Variants in ZNF317 observed in about 807,000 individuals in gnomAD.
ZNF317 encodes KRAB-containing zinc finger protein 317.
Under a neutral mutation model 23.4 loss-of-function variants are expected in ZNF317, and 17 were observed. The observed-to-expected ratio is 0.73, with a 90% CI of 0.50 to 1.09. The LOEUF is 1.09. Among genes scored for constraint, ZNF317 ranks in the 50% least tolerant of loss-of-function variants. ZNF317 has a pLI of 0.00. For synonymous variants in ZNF317, 317 were observed against 314.9 expected (o/e 1.01, Z -0.07); for missense variants, 679 against 796.7 (o/e 0.85, Z 1.78).
Position 9,160,656 on chromosome 19 carries a change from C to A in ZNF317, c.1011C>A (p.His337Gln), listed in dbSNP as rs143989233. 8 of 1,614,090 alleles carry A rather than the reference C, an allele frequency of 5.0e-6. No individual in the cohort carries two copies. The highest frequency in any genetic ancestry group is 6.8e-6 in the Non-Finnish European group (8 of 1,180,016). Residue 337 changes from histidine (H) to glutamine (Q), a missense_variant, in exon 7 of 7, where the codon CAC (histidine) becomes CAA (glutamine). By Grantham distance (24) the His-to-Gln change is conservative (BLOSUM62 0). Coordinates refer to ENST00000247956, the MANE Select transcript of ZNF317 (RefSeq NM_020933.5). This position sits in a 1 kb window ranked among gnomAD's most constrained non-coding sequence, Gnocchi z 6.8. ...CCGGAGAGAGGCCCTACGAGTGTCA[C>A]GACTGTGGGAAAGCTTTCCAGCACC... Reference protein sequence around the residue: ...THTGERPYECHDCGKAFQHPS... With the variant: ...THTGERPYECQDCGKAFQHPS...
rs2050617392 is a variant in ZNF317, at chr19:9,140,461, C to T, written c.-224C>T. 1 of 455,894 alleles carries T rather than the reference C, an allele frequency of 2.2e-6. No individual in the cohort carries two copies. Among genetic ancestry groups the T allele is most frequent in the Non-Finnish European group, 4.4e-6 (1 of 226,640 alleles). 28.2% of individuals were successfully genotyped at this position (455,894 alleles called of 1,614,324 possible). ...CGAGACACATGGGCCAAGGAGGGGT[C>T]AGCGGCGAATTCTTTCGGCCTGTTG... is the stretch of plus-strand genomic sequence containing the variant. On this transcript the variant is annotated 5_prime_UTR_variant, in exon 1 of 7. Coordinates refer to ENST00000247956, the MANE Select transcript of ZNF317 (RefSeq NM_020933.5).
At chr19:9,147,170 C>A (rs2050690919) in intron 1 of ZNF317, among the ~76,000 whole-genome samples, 1 of 151,958 alleles carries the variant, frequency 6.6e-6, no homozygotes. Flanking sequence ...AAAAACAGAT[C>A]CCAATGAGAA....
intron 1 of ZNF317, among the ~76,000 whole-genome samples, chr19:9,146,168 T>C (rs2145941585): frequency 6.6e-6 from 1 of 152,068 alleles, no homozygotes; most frequent in East Asian, 1.9e-4. Context: ...ATCATCTGTC[T>C]GTACTTTGTG....
chr19:9,144,527 AT>A (rs1188421257), intron 1 of ZNF317, among the ~76,000 whole-genome samples: 31 of 151,710 alleles, frequency 2.0e-4, no homozygotes, highest in African/African-American at 7.5e-4. Context: ...TATTTACTCT[AT>A]TATTTCAGTG....
intron 1 of ZNF317, among the ~76,000 whole-genome samples, chr19:9,143,221 A>C (rs1383108991): frequency 6.6e-6 from 1 of 152,126 alleles, no homozygotes; most frequent in Non-Finnish European, 1.5e-5. Context: ...TTGTAATGTT[A>C]TCCACTTTTT....
chr19:9,157,943 G>A, intron 4 of ZNF317, 37 bp from the exon 5 acceptor site: 1 of 1,546,630 alleles, frequency 6.5e-7, no homozygotes, highest in Non-Finnish European at 8.7e-7. Context: ...TCCTCTGCAT[G>A]GCCCTCCCTC....
chr19:9,157,940 C>T (rs981923454), intron 4 of ZNF317, 40 bp from the exon 5 acceptor site: 1 of 1,545,142 alleles, frequency 6.5e-7, no homozygotes, highest in Non-Finnish European at 8.7e-7. Flanking sequence ...TTGTCCTCTG[C>T]ATGGCCCTCC....
chr19:9,147,342 T>TTTTGTTTTG (rs1555713182), intron 1 of ZNF317, among the ~76,000 whole-genome samples: 25 of 106,146 alleles, frequency 2.4e-4, no homozygotes, highest in African/African-American at 8.5e-4. Flanking sequence ...TTTTTTTTTT[T>TTTTGTTTTG]TTTTTTTTTT....
chr19:9,142,303 TTTTGTTTG>T (rs150909741), intron 1 of ZNF317, among the ~76,000 whole-genome samples: 8 of 151,888 alleles, frequency 5.3e-5, no homozygotes, highest in African/African-American at 9.7e-5. Flanking sequence ...AAATTGTCTT[TTTTGTTTG>T]TTTGTTTGTT....
rs781781630 is a variant in ZNF317 at position 9,157,393 on chromosome 19, G to A, written c.288G>A (p.Leu96=). Residue 96 remains leucine (L), a splice_region_variant and synonymous_variant, in exon 4 of 7, where the codon CTG becomes CTA. Transcript: ENST00000247956. The stretch of plus-strand genomic sequence containing the variant: ...AGAACTACAGCAACCTCACTTCACT[G>A]GGTAAGGCCAGTGCCATTTCTCCAC... The part of the protein sequence containing the change: ...MLENYSNLTS[L]GYQVGKPSLI... The A allele has an allele frequency of 5.0e-6, 8 of 1,613,946 alleles. No homozygotes were observed. Among genetic ancestry groups the A allele is most frequent in the Non-Finnish European group, 6.8e-6 (8 of 1,179,922 alleles).
intron 1 of ZNF317, among the ~76,000 whole-genome samples, chr19:9,151,033 G>A (rs1448037869): frequency 1.3e-5 from 2 of 152,182 alleles, no homozygotes; most frequent in African/African-American, 4.8e-5. Context: ...TACACATGTC[G>A]TTATTTGTAG....
rs776121405 is a variant in ZNF317, at chr19:9,162,482, A to G, written c.*1049A>G. On this transcript the variant is annotated 3_prime_UTR_variant, in exon 7 of 7. Coordinates refer to ENST00000247956, the MANE Select transcript of ZNF317 (RefSeq NM_020933.5). The stretch of plus-strand genomic sequence containing the variant: ...CCAGCCATGGTCCCCTCACTTGAGC[A>G]TGTGAATATTCTCACGGAGAGAAGC... 10 of 152,122 alleles carry G rather than the reference A, an allele frequency of 6.6e-5. No individual in the cohort carries two copies. Among genetic ancestry groups the G allele is most frequent in the Admixed American group, 5.9e-4 (9 of 15,272 alleles). The allele number at this position is 152,122 out of a possible 1,614,324, so 9.4% of individuals were successfully genotyped here.
chr19:9,162,212 TAAG>T lies in ZNF317; in HGVS notation c.*784_*786del, dbSNP rs1288459611. 4.6e-5 allele frequency: 7 copies of T among 152,068 alleles called. No homozygotes were observed. Among genetic ancestry groups the T allele is most frequent in the Non-Finnish European group, 8.8e-5 (6 of 68,024 alleles). The allele number at this position is 152,068 out of a possible 1,614,324, so 9.4% of individuals were successfully genotyped here. On this transcript the variant is annotated 3_prime_UTR_variant, in exon 7 of 7. Coordinates refer to ENST00000247956, the MANE Select transcript of ZNF317 (RefSeq NM_020933.5). ...GGGGGAAGATACTCCTGACTTGTAATAAGAAGACATCAGAGATGCTGCTAAGTC... is the reference window on the plus strand; with the variant it reads ...GGGGGAAGATACTCCTGACTTGTAATAAGACATCAGAGATGCTGCTAAGTC...
chr19:9,158,363 CTTTTTTTTTTTTTTTTTTT>C (rs200591339), intron 5 of ZNF317, among the ~76,000 whole-genome samples: 9 of 76,496 alleles, frequency 1.2e-4, no homozygotes, highest in Admixed American at 1.8e-4. Context: ...TTTCTTTTTT[CTTTTTTTTTTTTTTTTTTT>C]TTTTTTTTTG....
At chr19:9,152,296 T>C (rs947991142) in intron 1 of ZNF317, among the ~76,000 whole-genome samples, 1 of 152,216 alleles carries the variant, frequency 6.6e-6, no homozygotes, top group East Asian at 1.9e-4. Flanking sequence ...AGAGCCTGTT[T>C]GGGTATGTTT....
rs984158401 is a variant in ZNF317 at position 9,160,496 on chromosome 19, G to A, written c.851G>A (p.Gly284Glu). The change falls in exon 7 of 7, where the codon GGA becomes GAA. Residue 284 changes from glycine to glutamate, a missense_variant. Gly to Glu is a moderately conservative substitution (Grantham distance 98). Coordinates refer to ENST00000247956, the MANE Select transcript of ZNF317 (RefSeq NM_020933.5). The surrounding 1 kb of genome is among the most constrained non-coding windows in gnomAD (Gnocchi z 6.8). Reference sequence around the variant, plus strand: ...AAGCCCTTTGACTGCAGTCAGTGTGGAAATGCATTCCGGACCCTCTCGGCC... The same window carrying A: ...AAGCCCTTTGACTGCAGTCAGTGTGAAAATGCATTCCGGACCCTCTCGGCC... Reference protein sequence around the residue: ...KEKPFDCSQCGNAFRTLSALK... With the variant: ...KEKPFDCSQCENAFRTLSALK... 1.9e-6 allele frequency: 3 copies of A among 1,614,148 alleles called. No individual in the cohort carries two copies. The highest frequency in any genetic ancestry group is 1.7e-5 in the Admixed American group (1 of 60,018).
rs367620887 is a variant in ZNF317, at chr19:9,161,154, G to C, written c.1509G>C (p.Glu503Asp). Residue 503 changes from glutamate to aspartate, a missense_variant, in exon 7 of 7, where the codon GAG (glutamate) becomes GAC (aspartate). Glu to Asp is a conservative substitution (Grantham distance 45). Coordinates refer to ENST00000247956, the MANE Select transcript of ZNF317 (RefSeq NM_020933.5). This position sits in a 1 kb window ranked among gnomAD's most constrained non-coding sequence, Gnocchi z 4.0. ...MSVHLVKKRVECRQCGKAFRN... is the reference protein window; with the variant it reads ...MSVHLVKKRVDCRQCGKAFRN... ...TTCACCTTGTAAAGAAACGAGTTGAGTGTAGGCAGTGTGGCAAGGCCTTCA... is the reference window on the plus strand; with the variant it reads ...TTCACCTTGTAAAGAAACGAGTTGACTGTAGGCAGTGTGGCAAGGCCTTCA... 3 of 1,614,212 alleles carry C rather than the reference G, an allele frequency of 1.9e-6. No individual in the cohort carries two copies. In the East Asian group the frequency reaches 6.7e-5, roughly 36 times the overall value.
rs759272450 is a variant in ZNF317, at chr19:9,161,220, G to C, written c.1575G>C (p.Thr525=). 1.2e-6 allele frequency: 2 copies of C among 1,614,174 alleles called. No individual in the cohort carries two copies. Among genetic ancestry groups the C allele is most frequent in the East Asian group, 2.2e-5 (1 of 44,874 alleles). The stretch of plus-strand genomic sequence containing the variant: ...TGAAGACGCACATGCGAAGCCACAC[G>C]GGGGAGAAACCGTACGAATGCGATC... ...STLKTHMRSH[T]GEKPYECDHC... is the part of the protein sequence containing the mutation. Residue 525 remains threonine (T), a synonymous_variant, in exon 7 of 7, where the codon ACG becomes ACC. Coordinates refer to ENST00000247956, the MANE Select transcript of ZNF317 (RefSeq NM_020933.5). The surrounding 1 kb of genome is among the most constrained non-coding windows in gnomAD (Gnocchi z 4.0).
chr19:9,158,058 A>T lies in ZNF317; in HGVS notation c.368A>T (p.His123Leu). ...EEPRTEERGA[H>L]QGACADWETP... ...CCGAGGACAGAGGAGAGGGGCGCTC[A>T]CCAGGGCGCTTGTGCAGGTGAGCGA... The change falls in exon 5 of 7, where the codon CAC becomes CTC. Residue 123 changes from histidine (H) to leucine (L), a missense_variant. Coordinates refer to ENST00000247956, the MANE Select transcript of ZNF317 (RefSeq NM_020933.5). 1 of 1,551,230 alleles carries T rather than the reference A, an allele frequency of 6.4e-7. No individual in the cohort carries two copies. The highest frequency in any genetic ancestry group is 1.4e-5 in the African/African-American group (1 of 73,166).
Sources: gnomAD v4.1 joint callset for allele counts (sites outside exome capture counted in the v4.1 genomes callset) on GRCh38, gnomAD v4.1.1 for gene constraint, Gnocchi (gnomAD v3.1) non-coding constraint, MANE v1.5 for transcripts, NCBI Gene and HGNC (gene_info 2026-07-23, HGNC 2026-07-21) for gene names.